The following SLC13A4 variants were observed in gnomAD, a reference collection of about 807,000 sequenced individuals.
The protein encoded by SLC13A4 is Na(+)/sulfate cotransporter SUT-1.
SLC13A4 carries 28 observed loss-of-function variants against 72.7 expected under a neutral mutation model. The observed-to-expected ratio is 0.39, with a 90% CI of 0.29 to 0.53. SLC13A4 has a LOEUF of 0.53. Among genes scored for constraint, SLC13A4 ranks in the 20% least tolerant of loss-of-function variants. The probability of loss-of-function intolerance (pLI) is 0.78; values close to 1 mark genes in which losing one functional copy is unlikely to be tolerated. For synonymous variants in SLC13A4, 312 were observed against 325.5 expected, an observed-to-expected ratio of 0.96 and a Z score of 0.45; for missense variants, 653 against 788.0, an observed-to-expected ratio of 0.83 and a Z score of 2.05.
At chr7:135,711,463 G>A (rs1422733837) in intron 2 of SLC13A4, among the ~76,000 whole-genome samples, 2 of 152,176 alleles carry the variant, frequency 1.3e-5, no homozygotes, top group African/African-American at 2.4e-5. Context: ...TCTAGTGCCG[G>A]CATTTTGCAT....
At chr7:135,685,317 A>G (rs1036621631) in intron 14 of SLC13A4, among the ~76,000 whole-genome samples, 3 of 152,184 alleles carry the variant, frequency 2.0e-5, no homozygotes, top group Non-Finnish European at 2.9e-5. Flanking sequence ...AACTCTTGCT[A>G]TGATTTATTA....
rs769338687 is a variant in SLC13A4, at chr7:135,683,487, CG to C, written c.1746+636del. On this transcript the variant is annotated intron_variant, in intron 15 of 15. Coordinates refer to ENST00000682651, the MANE Select transcript of SLC13A4 (RefSeq NM_001318192.2). ...CAGTGTTTTCCATCCTCTCCCCCCC[CG>C]CTCAGCCCTGGATACTAAGTATAGC... 2,224 of 932,158 alleles carry C rather than the reference CG, an allele frequency of 2.4e-3. 2 individuals are homozygous for C. Among genetic ancestry groups the C allele is most frequent in the East Asian group, 0.012 (98 of 8,138 alleles). The allele number at this position is 932,158 out of a possible 1,614,324, so 57.7% of individuals were successfully genotyped here.
intron 5 of SLC13A4, 148 bp from the exon 6 acceptor site, chr7:135,703,032 G>T (rs1464012993): frequency 1.6e-6 from 1 of 623,946 alleles, no homozygotes; most frequent in African/African-American, 1.8e-5. Flanking sequence ...TCTCTCCCTT[G>T]TCTTCCTTGC....
At chr7:135,684,531 G>C (rs73452497) in intron 14 of SLC13A4, among the ~76,000 whole-genome samples, 2,113 of 152,172 alleles carry the variant, frequency 0.014, 51 homozygotes, top group African/African-American at 0.048. Context: ...CTAAGGAATT[G>C]GTTCCTAAAC....
chr7:135,704,728 C>CT lies in SLC13A4; in HGVS notation c.593+867dup, dbSNP rs1279125027. On this transcript the variant is annotated intron_variant, in intron 5 of 15. Transcript: ENST00000682651. ...TAATACCTGAAAGGAACCAGGAGAG[C>CT]TACGGGATTTGCCTGGGATATCATC... 2.6e-5 allele frequency: 4 copies of CT among 152,144 alleles called. No homozygotes were observed. In the South Asian group the frequency reaches 8.3e-4, roughly 32 times the overall value. 9.4% of individuals were successfully genotyped at this position (152,144 alleles called of 1,614,324 possible).
At chr7:135,703,390 A>ACTGG (rs1356676670) in intron 5 of SLC13A4, 1 of 159,274 alleles carries the variant, frequency 6.3e-6, no homozygotes, top group Non-Finnish European at 1.4e-5. Flanking sequence ...TCATGTTCTC[A>ACTGG]CTGACTGACT....
chr7:135,681,926 T>G (rs1795511834), intron 15 of SLC13A4, among the ~76,000 whole-genome samples: 1 of 152,184 alleles, frequency 6.6e-6, no homozygotes, highest in Non-Finnish European at 1.5e-5. Flanking sequence ...CTCACTAGAT[T>G]TCAAGTGGAA....
At chr7:135,708,466 A>G (rs1281953094) in intron 2 of SLC13A4, among the ~76,000 whole-genome samples, 1 of 152,220 alleles carries the variant, frequency 6.6e-6, no homozygotes, top group Non-Finnish European at 1.5e-5. Flanking sequence ...TAAGTACTTG[A>G]CAGATTATTT....
At chr7:135,727,046 A>G (rs1473581019) in intron 1 of SLC13A4, among the ~76,000 whole-genome samples, 1 of 152,160 alleles carries the variant, frequency 6.6e-6, no homozygotes, top group East Asian at 1.9e-4. Flanking sequence ...AACTCCCGAC[A>G]AACACAGGTG....
rs746910255 is a variant in SLC13A4, at chr7:135,715,282, A to AGT, written c.228+6111_228+6112dup. Among the ~76,000 whole-genome samples the AGT allele has an allele frequency of 6.3e-4, 93 of 147,470 alleles. 1 individual carries two copies. The South Asian group carries it at 0.019, about 31-fold the overall frequency. ...GTGTGGGCATGTGTATGAGTGTATG[A>AGT]GTGTGTGTGAGTGTACGTATATCTA... On this transcript the variant is annotated intron_variant, in intron 2 of 15. Coordinates refer to ENST00000682651, the MANE Select transcript of SLC13A4 (RefSeq NM_001318192.2).
chr7:135,694,790 A>C (rs1333998548), intron 9 of SLC13A4, among the ~76,000 whole-genome samples: 2 of 152,224 alleles, frequency 1.3e-5, no homozygotes, highest in African/African-American at 4.8e-5. Context: ...GAGTAAAAAG[A>C]AAAGTCAGAG....
intron 8 of SLC13A4, among the ~76,000 whole-genome samples, chr7:135,696,525 G>A (rs1795909063): frequency 6.6e-6 from 1 of 152,014 alleles, no homozygotes; most frequent in Non-Finnish European, 1.5e-5. Flanking sequence ...GCTAATTTTT[G>A]TATTTTTAGT....
intron 2 of SLC13A4, among the ~76,000 whole-genome samples, chr7:135,716,444 A>G (rs1290979919): frequency 6.6e-6 from 1 of 152,170 alleles, no homozygotes; most frequent in African/African-American, 2.4e-5. Flanking sequence ...AGCTGGGACT[A>G]CAGGCATGCA....
intron 9 of SLC13A4, 71 bp from the exon 10 acceptor site, chr7:135,694,309 A>C: frequency 1.1e-6 from 1 of 923,886 alleles, no homozygotes; most frequent in Non-Finnish European, 1.8e-6. Context: ...ATATTAGGTA[A>C]ATACTAAACC....
intron 2 of SLC13A4, among the ~76,000 whole-genome samples, chr7:135,711,699 G>T (rs896252069): frequency 3.3e-5 from 5 of 152,114 alleles, no homozygotes; most frequent in Admixed American, 1.3e-4. Flanking sequence ...AACTCTAGGG[G>T]GATTTTCTGG....
chr7:135,689,327 G>A (rs983701825), intron 13 of SLC13A4, among the ~76,000 whole-genome samples: 4 of 152,220 alleles, frequency 2.6e-5, no homozygotes, highest in African/African-American at 9.6e-5. Context: ...AGGATGGGGT[G>A]AAGGTCCAGT....
At chr7:135,725,097 G>C (rs570335491) in intron 1 of SLC13A4, among the ~76,000 whole-genome samples, 2 of 152,198 alleles carry the variant, frequency 1.3e-5, no homozygotes, top group Admixed American at 6.5e-5. Context: ...GTGGGGGTTG[G>C]GCATTGGTGA....
chr7:135,723,202 A>C (rs1563173153), intron 1 of SLC13A4, among the ~76,000 whole-genome samples: 1 of 152,156 alleles, frequency 6.6e-6, no homozygotes, highest in South Asian at 2.1e-4. Context: ...GACACCATGG[A>C]AACATCCATC....
chr7:135,694,186 A>G lies in SLC13A4; in HGVS notation c.1072T>C (p.Leu358=). ...SKKKKTKREQ[L]SEKRIQEEYE... is the part of the protein sequence containing the mutation. Reference sequence around the variant, plus strand: ...TCTTCTTGGATCCTCTTCTCTGACAACTGTTCCCTTTTGGTCTTCTTCTTC... The same window carrying G: ...TCTTCTTGGATCCTCTTCTCTGACAGCTGTTCCCTTTTGGTCTTCTTCTTC... The change falls in exon 10 of 16, where the codon TTG becomes CTG. Residue 358 remains leucine (L), a synonymous_variant. Coordinates refer to ENST00000682651, the MANE Select transcript of SLC13A4 (RefSeq NM_001318192.2). 1 of 1,613,540 alleles carries G rather than the reference A, an allele frequency of 6.2e-7. No individual in the cohort carries two copies. The highest frequency in any genetic ancestry group is 8.5e-7 in the Non-Finnish European group (1 of 1,179,484).
Sources: gnomAD v4.1 joint callset for allele counts (sites outside exome capture counted in the v4.1 genomes callset) on GRCh38, gnomAD v4.1.1 for gene constraint, MANE v1.5 for transcripts, NCBI Gene and HGNC (gene_info 2026-07-23, HGNC 2026-07-21) for gene names.